Variants in ZFHX3 observed in about 807,000 individuals in gnomAD.
ZFHX3 encodes zinc finger homeobox 3.
A neutral mutation model predicts 279.1 loss-of-function variants in ZFHX3; 42 were observed. That is an observed-to-expected ratio of 0.15 (90% CI 0.12 to 0.19). ZFHX3 has a LOEUF of 0.19. ZFHX3 is among the 10% of genes least tolerant of loss of function. The pLI, the probability that ZFHX3 is intolerant of heterozygous loss-of-function variation, is 1.00. For synonymous variants in ZFHX3, 2,293 were observed against 1,957.8 expected (o/e 1.17, Z -4.52); for missense variants, 4,981 against 4,754.0 (o/e 1.05, Z -1.40).
intron 3 of ZFHX3, among the ~76,000 whole-genome samples, chr16:73,415,660 C>G (rs1049093415): frequency 6.6e-6 from 1 of 152,206 alleles, no homozygotes; most frequent in Non-Finnish European, 1.5e-5. Context: ...AGGCCATTTC[C>G]TCCCCTTACT....
At chr16:73,591,408 A>G (rs2051994521) in intron 2 of ZFHX3, among the ~76,000 whole-genome samples, 1 of 150,958 alleles carries the variant, frequency 6.6e-6, no homozygotes, top group African/African-American at 2.4e-5. Context: ...AATAAAGCAG[A>G]GGGGGCCGGG....
At chr16:73,281,569 A>T (rs1031017664) in intron 4 of ZFHX3, among the ~76,000 whole-genome samples, 1 of 152,204 alleles carries the variant, frequency 6.6e-6, no homozygotes, top group Admixed American at 6.5e-5. Flanking sequence ...AGCTAACAAT[A>T]CTGTATTGTG....
chr16:73,305,548 T>C (rs2015161767), intron 4 of ZFHX3, among the ~76,000 whole-genome samples: 1 of 151,932 alleles, frequency 6.6e-6, no homozygotes, highest in South Asian at 2.1e-4. Flanking sequence ...CTAACTCACA[T>C]GTCTTTGCTG....
intron 1 of ZFHX3, among the ~76,000 whole-genome samples, chr16:73,728,095 G>A (rs1287703674): frequency 7.5e-6 from 1 of 132,674 alleles, no homozygotes; most frequent in Non-Finnish European, 1.5e-5. Context: ...TTGGAGATCA[G>A]GTCTTTAAAG....
At chr16:73,782,253 G>T (rs997050843) in intron 1 of ZFHX3, among the ~76,000 whole-genome samples, 2 of 152,168 alleles carry the variant, frequency 1.3e-5, no homozygotes, top group Non-Finnish European at 2.9e-5. Context: ...TTGGGTAGGT[G>T]AATCCAAGTG....
intron 2 of ZFHX3, among the ~76,000 whole-genome samples, chr16:73,608,399 CAT>C (rs1467250703): frequency 1.3e-5 from 2 of 152,216 alleles, no homozygotes; most frequent in Non-Finnish European, 2.9e-5. Flanking sequence ...GCACTAAAAA[CAT>C]GTGTGTTGGA....
At chr16:73,426,294 T>C (rs2017809211) in intron 3 of ZFHX3, among the ~76,000 whole-genome samples, 1 of 152,192 alleles carries the variant, frequency 6.6e-6, no homozygotes, top group Non-Finnish European at 1.5e-5. Flanking sequence ...GGAGGTTTTG[T>C]TTGTTTGTTT....
intron 5 of ZFHX3, among the ~76,000 whole-genome samples, chr16:73,252,200 G>A (rs1047974547): frequency 2.4e-4 from 36 of 152,150 alleles, no homozygotes; most frequent in Admixed American, 2.1e-3. Context: ...CAACACAAAA[G>A]GGACATAATG....
At chr16:73,092,915 C>T (rs1205211871) in intron 8 of ZFHX3, 1 of 519,878 alleles carries the variant, frequency 1.9e-6, no homozygotes, top group East Asian at 5.4e-5. Context: ...GTTTTCCCAG[C>T]CACCCATGCT....
intron 3 of ZFHX3, among the ~76,000 whole-genome samples, chr16:73,382,762 G>T (rs1267370874): frequency 6.6e-6 from 1 of 152,226 alleles, no homozygotes; most frequent in African/African-American, 2.4e-5. Context: ...TTGAGGGTAT[G>T]TGAGGTTCAG....
Position 73,869,165 on chromosome 16 carries a change from G to A in ZFHX3, c.-1608+22486C>T, listed in dbSNP as rs147030311. 7.9e-4 allele frequency among the ~76,000 whole-genome samples: 120 copies of A among 152,244 alleles called. 1 individual carries two copies. Among genetic ancestry groups the A allele is most frequent in the African/African-American group, 2.9e-3 (120 of 41,550 alleles). On this transcript the variant is annotated intron_variant, in intron 1 of 17. Coordinates refer to the ZFHX3 transcript ENST00000641206. ...ATCCTGGTCAAGGCACACATAAATTGTACAACTTTTGAAACACAGTTGGTC... is the reference window on the plus strand; with the variant it reads ...ATCCTGGTCAAGGCACACATAAATTATACAACTTTTGAAACACAGTTGGTC...
chr16:73,188,104 G>A (rs995072344), intron 5 of ZFHX3, among the ~76,000 whole-genome samples: 6 of 152,102 alleles, frequency 3.9e-5, no homozygotes, highest in Non-Finnish European at 8.8e-5. Context: ...CTTGTGATCC[G>A]CCTGCCTCGG....
At chr16:73,468,462 G>C (rs562750658) in intron 2 of ZFHX3, among the ~76,000 whole-genome samples, 1 of 152,262 alleles carries the variant, frequency 6.6e-6, no homozygotes, top group South Asian at 2.1e-4. Context: ...TTAGCTAGGC[G>C]TGGTGGCTCA....
intron 3 of ZFHX3, among the ~76,000 whole-genome samples, chr16:73,399,438 G>A (rs111544407): frequency 2.6e-5 from 4 of 152,230 alleles, no homozygotes; most frequent in African/African-American, 9.6e-5. Context: ...CAACCTTGGG[G>A]ACACGCAGCA....
At chr16:73,685,145 G>A (rs1235901400) in intron 1 of ZFHX3, among the ~76,000 whole-genome samples, 1 of 151,916 alleles carries the variant, frequency 6.6e-6, no homozygotes, top group Non-Finnish European at 1.5e-5. Context: ...CTCCCGAGTA[G>A]CTGGGACTAC....
chr16:73,729,880 CA>C (rs1295039086), intron 1 of ZFHX3, among the ~76,000 whole-genome samples: 1 of 152,138 alleles, frequency 6.6e-6, no homozygotes, highest in Non-Finnish European at 1.5e-5. Flanking sequence ...CAGGCTGCCT[CA>C]GTAACCGTCT....
In ZFHX3 at chr16:73,074,506, A is replaced by G. The variant is rs138448368; in HGVS notation, c.-532-15494T>C. Among the ~76,000 whole-genome samples, 764 of 152,346 alleles carry G rather than the reference A, an allele frequency of 5.0e-3. 5 individuals are homozygous for G. The highest frequency in any genetic ancestry group is 0.017 in the Middle Eastern group (5 of 294). On this transcript the variant is annotated intron_variant, in intron 8 of 17. Transcript: ENST00000641206. ...GCACCATATGGAGTGTTCACTGTACACATCTCCATAAACGCCCACCATGCT... is the reference window on the plus strand; with the variant it reads ...GCACCATATGGAGTGTTCACTGTACGCATCTCCATAAACGCCCACCATGCT...
intron 3 of ZFHX3, among the ~76,000 whole-genome samples, chr16:72,935,632 T>A (rs1960077441): frequency 6.6e-6 from 1 of 150,796 alleles, no homozygotes; most frequent in Admixed American, 6.6e-5. Flanking sequence ...TCCCAGCTAC[T>A]CGGAAGGCTG....
At chr16:73,429,358 A>G (rs2017869758) in intron 3 of ZFHX3, among the ~76,000 whole-genome samples, 2 of 152,256 alleles carry the variant, frequency 1.3e-5, no homozygotes, top group Middle Eastern at 3.4e-3. Context: ...TATGAGATGG[A>G]GTCTCACTTT....
Sources: allele counts gnomAD v4.1 joint callset (sites outside exome capture counted in the v4.1 genomes callset), GRCh38; gene constraint gnomAD v4.1.1; transcripts MANE v1.5; gene names NCBI Gene and HGNC (gene_info 2026-07-23, HGNC 2026-07-21).